The following FCER1A variants were observed in gnomAD, a reference collection of about 807,000 sequenced individuals.
FCER1A encodes Fc epsilon receptor Ia, also known as high affinity immunoglobulin epsilon receptor subunit alpha.
In FCER1A, 24 loss-of-function variants were observed where a neutral mutation model predicts 23.6. The ratio of observed to expected loss-of-function variants is 1.02; its 90% CI spans 0.74 to 1.43. The LOEUF is 1.43. Ranked by LOEUF, FCER1A falls within the 40% of genes most tolerant of loss-of-function variation. The pLI, the probability that FCER1A is intolerant of heterozygous loss-of-function variation, is 0.00. For synonymous variants in FCER1A, 121 were observed against 108.8 expected (o/e 1.11, Z -0.70); for missense variants, 318 against 294.5 (o/e 1.08, Z -0.58).
At chr1:159,290,952 T>C (rs1652134503) in intron 1 of FCER1A, among the ~76,000 whole-genome samples, 1 of 152,198 alleles carries the variant, frequency 6.6e-6, no homozygotes, top group Non-Finnish European at 1.5e-5. Context: ...AAGAAATACA[T>C]TGCAGTTTCT....
upstream of FCER1A, among the ~76,000 whole-genome samples, chr1:159,302,111 A>G (rs1652446500): frequency 6.6e-6 from 1 of 152,166 alleles, no homozygotes; most frequent in African/African-American, 2.4e-5. Flanking sequence ...TGCTAGACCT[A>G]TGCCTCTCTC....
intron 1 of FCER1A, 29 bp from the exon 2 acceptor site, chr1:159,302,825 A>T (rs529137742): frequency 6.2e-7 from 1 of 1,610,188 alleles, no homozygotes; most frequent in Non-Finnish European, 8.5e-7. Context: ...ACTGCTGGAC[A>T]CTAATGTATC....
upstream of FCER1A, among the ~76,000 whole-genome samples, chr1:159,300,406 T>G (rs1447270673): frequency 1.3e-5 from 2 of 152,144 alleles, no homozygotes; most frequent in African/African-American, 4.8e-5. Flanking sequence ...ACTGGTAAAG[T>G]AGAATCTTTC....
At chr1:159,284,669 G>T in the FCER1A span, among the ~76,000 whole-genome samples, 887 of 152,094 alleles carry the variant, frequency 5.8e-3, 7 homozygotes, top group South Asian at 0.01. Flanking sequence ...TGATGAATAG[G>T]TTTCTAATCT....
Position 159,308,097 on chromosome 1 carries a change from G to A in FCER1A, c.*165G>A. On this transcript the variant is annotated 3_prime_UTR_variant, in exon 5 of 5. Transcript: ENST00000693622. ...GAAACTGGTTAAGTGGCATGTAATA[G>A]TAAGTGCTCAATTAACATTGGTTGA... The A allele has an allele frequency of 2.0e-6, 1 of 492,174 alleles. No individual in the cohort carries two copies. Among genetic ancestry groups the A allele is most frequent in the East Asian group, 2.9e-5 (1 of 34,370 alleles). The allele number at this position is 492,174 out of a possible 1,614,324, so 30.5% of individuals were successfully genotyped here.
chr1:159,292,770 G>T (rs964141086), intron 1 of FCER1A, among the ~76,000 whole-genome samples: 3 of 152,112 alleles, frequency 2.0e-5, no homozygotes, highest in African/African-American at 7.2e-5. Context: ...AGCAGGACCT[G>T]TAAGAGGTAA....
chr1:159,293,134 CTG>C (rs1200141362), intron 1 of FCER1A, among the ~76,000 whole-genome samples: 1 of 151,424 alleles, frequency 6.6e-6, no homozygotes, highest in Non-Finnish European at 1.5e-5. Flanking sequence ...AGCCATCAAA[CTG>C]TATTAAGCAG....
the FCER1A span, among the ~76,000 whole-genome samples, chr1:159,284,372 A>G: frequency 2.0e-5 from 3 of 152,202 alleles, no homozygotes; most frequent in African/African-American, 7.2e-5. Context: ...TGAAACAGCC[A>G]TGAACTTCCA....
chr1:159,300,232 A>G (rs1400185867), upstream of FCER1A, among the ~76,000 whole-genome samples: 1 of 152,150 alleles, frequency 6.6e-6, no homozygotes, highest in Non-Finnish European at 1.5e-5. Flanking sequence ...GCCCTGCTCC[A>G]TCTCCCATCT....
chr1:159,285,573 AAT>A (rs765977027), upstream of FCER1A, among the ~76,000 whole-genome samples: 101 of 151,664 alleles, frequency 6.7e-4, no homozygotes, highest in African/African-American at 2.2e-3. Flanking sequence ...ATATCAGTTT[AAT>A]ATATATATAA....
At chr1:159,290,296 G>A (rs570254392) in intron 1 of FCER1A, among the ~76,000 whole-genome samples, 1 of 152,198 alleles carries the variant, frequency 6.6e-6, no homozygotes, top group South Asian at 2.1e-4. Context: ...ACCTAACTCA[G>A]GGGTACTTAA....
intron 3 of FCER1A, among the ~76,000 whole-genome samples, chr1:159,305,499 C>A: frequency 6.6e-6 from 1 of 151,776 alleles, no homozygotes; most frequent in African/African-American, 2.4e-5. Context: ...GGGAAGAGGA[C>A]ATTAAATAAA....
At chr1:159,297,242 T>C (rs553000427) in intron 1 of FCER1A, among the ~76,000 whole-genome samples, 1 of 152,178 alleles carries the variant, frequency 6.6e-6, no homozygotes, top group East Asian at 1.9e-4. Context: ...CATGCGTGTG[T>C]TGGAGGTGTG....
Position 159,294,162 on chromosome 1 carries a change from C to G in FCER1A, c.-60+4409C>G, listed in dbSNP as rs571844580. Among the ~76,000 whole-genome samples, 15 of 152,152 alleles carry G rather than the reference C, an allele frequency of 9.9e-5. No individual in the cohort carries two copies. In the East Asian group the frequency reaches 1.2e-3, roughly 12 times the overall value. ...CAACCCTTGTGGAAGTCAGTGTGGC[C>G]ATTCCTCAGGGATCTAGAACTAGAA... On this transcript the variant is annotated intron_variant, in intron 1 of 5. Transcript: ENST00000368115.
chr1:159,301,144 A>T (rs1221436018), upstream of FCER1A, among the ~76,000 whole-genome samples: 1 of 152,208 alleles, frequency 6.6e-6, no homozygotes, highest in African/African-American at 2.4e-5. Context: ...GGGAAGAGCA[A>T]GGTATGATAG....
At chr1:159,295,332 A>G (rs1652270777) in intron 1 of FCER1A, among the ~76,000 whole-genome samples, 1 of 152,134 alleles carries the variant, frequency 6.6e-6, no homozygotes, top group African/African-American at 2.4e-5. Flanking sequence ...GCATGACTTA[A>G]TTTGTCGGTC....
upstream of FCER1A, among the ~76,000 whole-genome samples, chr1:159,287,310 C>G (rs1427459782): frequency 6.6e-6 from 1 of 152,162 alleles, no homozygotes; most frequent in Non-Finnish European, 1.5e-5. Context: ...CTTTATTATA[C>G]TGTATTTCTA....
chr1:159,297,829 C>A (rs1054630991), upstream of FCER1A, among the ~76,000 whole-genome samples: 1 of 152,028 alleles, frequency 6.6e-6, no homozygotes, highest in Non-Finnish European at 1.5e-5. Context: ...TCACTTGAGC[C>A]TGGCAGTCCG....
rs771234875 is a variant in FCER1A, at chr1:159,306,075, TG to T, written c.420del (p.Tyr141ThrfsTer3). The T allele has an allele frequency of 6.2e-7, 1 of 1,614,154 alleles. No individual in the cohort carries two copies. Among genetic ancestry groups the T allele is most frequent in the Non-Finnish European group, 8.5e-7 (1 of 1,180,012 alleles). ...LRCHGWRNWD[V>X]YKVIYYKDGE... ...TGCCATGGTTGGAGGAACTGGGATG[TG>T]TACAAGGTGATCTATTATAAGGATG... On this transcript the variant is annotated frameshift_variant, in exon 4 of 5. Transcript: ENST00000693622. LOFTEE classifies it high-confidence loss of function.
Sources: gnomAD v4.1 joint callset for allele counts (sites outside exome capture counted in the v4.1 genomes callset) on GRCh38, gnomAD v4.1.1 for gene constraint, MANE v1.5 for transcripts, NCBI Gene and HGNC (gene_info 2026-07-23, HGNC 2026-07-21) for gene names.